PCSK9: variants seen among roughly 807,000 people sequenced by gnomAD.
PCSK9 encodes the protein proprotein convertase subtilisin/kexin type 9.
A neutral mutation model predicts 62.1 loss-of-function variants in PCSK9; 57 were observed. The ratio of observed to expected loss-of-function variants is 0.92; its 90% CI spans 0.74 to 1.14. The LOEUF (loss-of-function observed/expected upper bound fraction) is 1.14, where lower values mean the gene tolerates loss of function less well. Among genes scored for constraint, PCSK9 ranks in the 50% most tolerant of loss-of-function variants. PCSK9 has a pLI of 0.00. For synonymous variants in PCSK9, 387 were observed against 409.4 expected (o/e 0.95, Z 0.66); for missense variants, 870 against 959.8 (o/e 0.91, Z 1.24).
rs1040573425 is a variant in PCSK9 at position 55,040,235 on chromosome 1, G to A, written c.207+191G>A. Among the ~76,000 whole-genome samples the A allele has an allele frequency of 2.9e-4, 44 of 152,208 alleles. No individual in the cohort carries two copies. The highest frequency in any genetic ancestry group is 3.5e-4 in the Non-Finnish European group (24 of 68,052). ...GGGAGGACGGGTAGTGGGGAGCACG[G>A]TGGAGAGCGGGGACGGCCGGCTCTT... On this transcript the variant is annotated intron_variant, in intron 1 of 11. Coordinates refer to ENST00000302118, the MANE Select transcript of PCSK9 (RefSeq NM_174936.4). The surrounding 1 kb of genome is among the most constrained non-coding windows in gnomAD (Gnocchi z 4.1).
chr1:55,051,867 C>G, intron 3 of PCSK9: 1 of 305,282 alleles, frequency 3.3e-6, no homozygotes, highest in African/African-American at 2.2e-5. Flanking sequence ...CACTGTTATT[C>G]TCCTTTGAGT....
chr1:55,055,467 C>T (rs1644707618), intron 5 of PCSK9, among the ~76,000 whole-genome samples: 1 of 152,172 alleles, frequency 6.6e-6, no homozygotes. Context: ...GAGCCAGGCA[C>T]AGAGAAGGGC....
At chr1:55,060,746 C>G (rs1476090816) in intron 10 of PCSK9, among the ~76,000 whole-genome samples, 1 of 152,154 alleles carries the variant, frequency 6.6e-6, no homozygotes, top group East Asian at 1.9e-4. Context: ...AGTGGCTGCC[C>G]CGAGCCCTTG....
chr1:55,051,212 G>A (rs985356628), intron 3 of PCSK9: 2 of 456,082 alleles, frequency 4.4e-6, no homozygotes, highest in South Asian at 1.5e-5. Context: ...GGATCACTGC[G>A]GGGGCCACAG....
chr1:55,059,831 C>A (rs1027089799), intron 10 of PCSK9, among the ~76,000 whole-genome samples, 168 bp downstream of exon 10: 1 of 152,234 alleles, frequency 6.6e-6, no homozygotes, highest in Non-Finnish European at 1.5e-5. Flanking sequence ...GGGCAGGTGA[C>A]CTTACTTCTC....
In PCSK9 at chr1:55,063,505, C is replaced by T; in HGVS notation, c.2000C>T (p.Thr667Ile). ...CGGGACGTCAGCACTACAGGCAGCA[C>T]CAGCGAAGGGGCCGTGACAGCCGTT... The part of the protein sequence containing the change: ...RSRDVSTTGS[T>I]SEGAVTAVAI... The change falls in exon 12 of 12, where the codon ACC (threonine) becomes ATC (isoleucine). Residue 667 changes from threonine (T) to isoleucine (I), a missense_variant. Thr to Ile is a moderately conservative substitution (Grantham distance 89, BLOSUM62 -1). Coordinates refer to ENST00000302118, the MANE Select transcript of PCSK9 (RefSeq NM_174936.4). The T allele has an allele frequency of 1.9e-6, 3 of 1,613,972 alleles. No homozygotes were observed. Among genetic ancestry groups the T allele is most frequent in the Non-Finnish European group, 2.5e-6 (3 of 1,179,882 alleles).
chr1:55,042,704 T>C (rs181968956), intron 1 of PCSK9, among the ~76,000 whole-genome samples: 170 of 152,316 alleles, frequency 1.1e-3, no homozygotes, highest in Middle Eastern at 6.8e-3. Flanking sequence ...AGCAGGTATG[T>C]CTGCCTGAGA....
At chr1:55,058,397 G>C in intron 8 of PCSK9, 102 bp from the exon 9 acceptor site, 1 of 1,570,122 alleles carries the variant, frequency 6.4e-7, no homozygotes, top group Non-Finnish European at 8.7e-7. Context: ...AGACAGTTGA[G>C]TATGTTCTTT....
intron 2 of PCSK9, among the ~76,000 whole-genome samples, chr1:55,044,294 C>G (rs1308208126): frequency 6.6e-6 from 1 of 152,206 alleles, no homozygotes; most frequent in Non-Finnish European, 1.5e-5. Flanking sequence ...ACACAGACAG[C>G]TAGGGGTAGA....
chr1:55,045,239 G>T (rs1330144343), intron 2 of PCSK9, among the ~76,000 whole-genome samples: 3 of 152,076 alleles, frequency 2.0e-5, no homozygotes, highest in Non-Finnish European at 2.9e-5. Flanking sequence ...CAAACAGAAG[G>T]CTGCAGGCAT....
At chr1:55,046,494 G>C in intron 2 of PCSK9, 29 bp from the exon 3 acceptor site, 1 of 1,614,202 alleles carries the variant, frequency 6.2e-7, no homozygotes, top group African/African-American at 1.3e-5. Context: ...GGCTTAAGCA[G>C]AGTCCCCCGG....
chr1:55,054,966 C>T (rs1399423672), intron 5 of PCSK9, among the ~76,000 whole-genome samples: 2 of 151,402 alleles, frequency 1.3e-5, no homozygotes, highest in Non-Finnish European at 2.9e-5. Context: ...GATTGCGCCA[C>T]TGCACTCCAG....
At chr1:55,042,165 G>A (rs1204920753) in intron 1 of PCSK9, among the ~76,000 whole-genome samples, 1 of 151,438 alleles carries the variant, frequency 6.6e-6, no homozygotes, top group Non-Finnish European at 1.5e-5. Flanking sequence ...CAGGCTAGTC[G>A]CAAACTCCTG....
intron 8 of PCSK9, 98 bp from the exon 9 acceptor site, chr1:55,058,401 G>T: frequency 1.3e-6 from 2 of 1,577,266 alleles, no homozygotes; most frequent in Admixed American, 3.3e-5. Context: ...AGTTGAGTAT[G>T]TTCTTTAAGC....
In PCSK9 at chr1:55,044,025, G is replaced by A; in HGVS notation, c.390G>A (p.Leu130=). The change falls in exon 2 of 12, where the codon CTG becomes CTA. Residue 130 remains leucine, a synonymous_variant. Coordinates refer to ENST00000302118, the MANE Select transcript of PCSK9 (RefSeq NM_174936.4). ...PGFLVKMSGD[L]LELALKLPHV... is the part of the protein sequence containing the mutation. Reference sequence around the variant, plus strand: ...TCCTGGTGAAGATGAGTGGCGACCTGCTGGAGCTGGTGAGCCACCCTTTTT... The same window carrying A: ...TCCTGGTGAAGATGAGTGGCGACCTACTGGAGCTGGTGAGCCACCCTTTTT... 6.2e-7 allele frequency: 1 copy of A among 1,614,190 alleles called. No individual in the cohort carries two copies. Among genetic ancestry groups the A allele is most frequent in the Non-Finnish European group, 8.5e-7 (1 of 1,180,040 alleles).
chr1:55,053,980 G>C (rs1254284126), intron 5 of PCSK9, among the ~76,000 whole-genome samples: 1 of 152,162 alleles, frequency 6.6e-6, no homozygotes, highest in Non-Finnish European at 1.5e-5. Context: ...CGGGGCAGGG[G>C]CTCAACAGTC....
Position 55,040,393 on chromosome 1 carries a change from C to T in PCSK9, c.207+349C>T, listed in dbSNP as rs1172725207. Among the ~76,000 whole-genome samples, 2 of 152,202 alleles carry T rather than the reference C, an allele frequency of 1.3e-5. No individual in the cohort carries two copies. Among genetic ancestry groups the T allele is most frequent in the Non-Finnish European group, 2.9e-5 (2 of 68,034 alleles). ...CCCAGATTTCCCAGTTTCTGCCTCGCCGCGGCACAGGTGGGTGAAGGAGTG... is the reference window on the plus strand; with the variant it reads ...CCCAGATTTCCCAGTTTCTGCCTCGTCGCGGCACAGGTGGGTGAAGGAGTG... On this transcript the variant is annotated intron_variant, in intron 1 of 11. Transcript: ENST00000302118. This position sits in a 1 kb window ranked among gnomAD's most constrained non-coding sequence, Gnocchi z 4.1.
intron 2 of PCSK9, 96 bp from the exon 3 acceptor site, chr1:55,046,426 TG>T: frequency 6.3e-7 from 1 of 1,576,622 alleles, no homozygotes; most frequent in East Asian, 2.2e-5. Flanking sequence ...GGCTGGGATG[TG>T]GGGACAGGTT....
chr1:55,058,631 G>A lies in PCSK9; in HGVS notation c.1487G>A (p.Arg496Gln), dbSNP rs139669564. 1.7e-4 allele frequency: 274 copies of A among 1,611,008 alleles called. No individual in the cohort carries two copies. The highest frequency in any genetic ancestry group is 1.6e-3 in the South Asian group (142 of 90,944). The part of the protein sequence containing the change: ...CSSFSRSGKR[R>Q]GERMEAQGGK... ...AGTTTCTCCAGGAGTGGGAAGCGGC[G>A]GGGCGAGCGCATGGAGGTGACTGTA... The change falls in exon 9 of 12, where the codon CGG (arginine) becomes CAG (glutamine). Residue 496 changes from arginine (R) to glutamine (Q), a missense_variant. Arg to Gln is a conservative substitution (Grantham distance 43). Coordinates refer to ENST00000302118, the MANE Select transcript of PCSK9 (RefSeq NM_174936.4).
Sources: gnomAD v4.1 joint callset for allele counts (sites outside exome capture counted in the v4.1 genomes callset) on GRCh38, gnomAD v4.1.1 for gene constraint, Gnocchi (gnomAD v3.1) non-coding constraint, MANE v1.5 for transcripts, NCBI Gene and HGNC (gene_info 2026-07-23, HGNC 2026-07-21) for gene names.